The following CACNB2 variants were observed in gnomAD, a reference collection of about 807,000 sequenced individuals.
The protein encoded by CACNB2 is voltage-dependent L-type calcium channel subunit beta-2.
Under a neutral mutation model 73.3 loss-of-function variants are expected in CACNB2, and 42 were observed. The ratio of observed to expected loss-of-function variants is 0.57; its 90% CI spans 0.45 to 0.74. CACNB2 has a LOEUF of 0.74. Ranked by LOEUF, CACNB2 falls within the 30% of genes least tolerant of loss-of-function variation. CACNB2 has a pLI of 0.00. For missense variants in CACNB2, 940 were observed against 853.0 expected (o/e 1.10, Z -1.27); for synonymous variants, 348 against 310.3 (o/e 1.12, Z -1.28).
chr10:18,207,964 T>G (rs2035163064), intron 2 of CACNB2, among the ~76,000 whole-genome samples: 1 of 152,234 alleles, frequency 6.6e-6, no homozygotes, highest in Non-Finnish European at 1.5e-5. Flanking sequence ...TAGTAGAAGT[T>G]GACATATGTA....
chr10:18,309,613 A>G (rs545294346), intron 2 of CACNB2, among the ~76,000 whole-genome samples: 1 of 152,194 alleles, frequency 6.6e-6, no homozygotes, highest in South Asian at 2.1e-4. Flanking sequence ...CCGCGCCACC[A>G]TGCCCAGCTA....
intron 2 of CACNB2, among the ~76,000 whole-genome samples, chr10:18,243,223 G>A (rs934760868): frequency 4.6e-5 from 7 of 151,920 alleles, no homozygotes; most frequent in African/African-American, 1.5e-4. Context: ...AATTTTAACA[G>A]CATTCTAGAT....
At chr10:18,306,527 G>C (rs2131859058) in intron 2 of CACNB2, among the ~76,000 whole-genome samples, 1 of 152,300 alleles carries the variant, frequency 6.6e-6, no homozygotes, top group East Asian at 1.9e-4. Context: ...GGCAATGTGA[G>C]AGAGGCAGAA....
chr10:18,247,149 T>C (rs1285283258), intron 2 of CACNB2, among the ~76,000 whole-genome samples: 1 of 152,128 alleles, frequency 6.6e-6, no homozygotes, highest in East Asian at 1.9e-4. Context: ...TCCTGGGAAT[T>C]CCCTGGCCCT....
intron 3 of CACNB2, among the ~76,000 whole-genome samples, chr10:18,468,324 A>C (rs2048008209): frequency 6.6e-6 from 1 of 152,078 alleles, no homozygotes; most frequent in Admixed American, 6.6e-5. Context: ...AGCTAGGCAT[A>C]GTGGCATGCA....
At chr10:18,291,336 A>T (rs1391441970) in intron 2 of CACNB2, among the ~76,000 whole-genome samples, 2 of 152,200 alleles carry the variant, frequency 1.3e-5, no homozygotes, top group African/African-American at 4.8e-5. Flanking sequence ...TTCTTATTAA[A>T]GCTTGGAGAG....
chr10:18,391,680 A>C (rs999205604), intron 2 of CACNB2, among the ~76,000 whole-genome samples: 1 of 152,152 alleles, frequency 6.6e-6, no homozygotes, highest in African/African-American at 2.4e-5. Context: ...TAATCCCAGC[A>C]CTTTGGGAGG....
intron 2 of CACNB2, among the ~76,000 whole-genome samples, chr10:18,324,603 A>G (rs2040511902): frequency 6.6e-6 from 1 of 152,248 alleles, no homozygotes. Flanking sequence ...CTGTAATCCC[A>G]ACACTTTGGG....
intron 3 of CACNB2, among the ~76,000 whole-genome samples, chr10:18,478,901 A>G (rs1220266769): frequency 6.6e-6 from 1 of 151,830 alleles, no homozygotes; most frequent in African/African-American, 2.4e-5. Context: ...TGTGGGAGGG[A>G]TGTGGGGGAC....
intron 3 of CACNB2, among the ~76,000 whole-genome samples, chr10:18,405,387 C>T (rs2044231384): frequency 6.6e-6 from 1 of 152,114 alleles, no homozygotes; most frequent in South Asian, 2.1e-4. Context: ...TTGTGATTGG[C>T]TACTTTTGGA....
intron 2 of CACNB2, among the ~76,000 whole-genome samples, chr10:18,168,973 A>G (rs183516983): frequency 6.6e-6 from 1 of 152,280 alleles, no homozygotes; most frequent in East Asian, 1.9e-4. Flanking sequence ...AGAAATTTTT[A>G]AAACAACTGT....
chr10:18,370,771 C>A (rs1417589185), intron 2 of CACNB2, among the ~76,000 whole-genome samples: 2 of 152,146 alleles, frequency 1.3e-5, no homozygotes, highest in South Asian at 2.1e-4. Flanking sequence ...TTTTAAAGTA[C>A]TCTTTATAAT....
At chr10:18,386,326 G>A (rs1451928188) in intron 2 of CACNB2, among the ~76,000 whole-genome samples, 1 of 150,510 alleles carries the variant, frequency 6.6e-6, no homozygotes, top group Admixed American at 6.6e-5. Context: ...TCAAACTTTT[G>A]TCAGCATATG....
At chr10:18,320,616 T>C (rs2040365866) in intron 2 of CACNB2, among the ~76,000 whole-genome samples, 2 of 152,190 alleles carry the variant, frequency 1.3e-5, no homozygotes, top group Admixed American at 1.3e-4. Flanking sequence ...CTTGGGCCAG[T>C]TACTTAACTT....
Position 18,312,580 on chromosome 10 carries a change from G to A in CACNB2, c.214-89344G>A, listed in dbSNP as rs538469749. Among the ~76,000 whole-genome samples, 191 of 152,284 alleles carry A rather than the reference G, an allele frequency of 1.3e-3. 1 individual carries two copies. Among genetic ancestry groups the A allele is most frequent in the Admixed American group, 2.2e-3 (34 of 15,298 alleles). ...GTCACTGTATCAGTGTCCTTTAAGT[G>A]TGTGTGTTTGAAGGTGTGGGGTGGC... On this transcript the variant is annotated intron_variant, in intron 2 of 13. Transcript: ENST00000324631.
intron 2 of CACNB2, among the ~76,000 whole-genome samples, chr10:18,356,414 T>C (rs2041909993): frequency 6.6e-6 from 1 of 152,114 alleles, no homozygotes; most frequent in Non-Finnish European, 1.5e-5. Context: ...CTTGCTGGAT[T>C]ATTATTATTG....
intron 2 of CACNB2, among the ~76,000 whole-genome samples, chr10:18,259,358 G>C (rs1442798944): frequency 6.6e-6 from 1 of 151,824 alleles, no homozygotes; most frequent in Non-Finnish European, 1.5e-5. Context: ...CTGGAGCCAG[G>C]AGTTTGAGAC....
chr10:18,427,296 C>G (rs970791176), intron 3 of CACNB2, among the ~76,000 whole-genome samples: 1 of 152,088 alleles, frequency 6.6e-6, no homozygotes, highest in African/African-American at 2.4e-5. Flanking sequence ...CTACATGGAA[C>G]TGTTTACTTG....
chr10:18,358,329 C>T (rs1431770648), intron 2 of CACNB2, among the ~76,000 whole-genome samples: 2 of 152,186 alleles, frequency 1.3e-5, no homozygotes, highest in Non-Finnish European at 1.5e-5. Flanking sequence ...CTCAAGTGAT[C>T]CACCCACCTC....
Sources: gnomAD v4.1 joint callset for allele counts (sites outside exome capture counted in the v4.1 genomes callset) on GRCh38, gnomAD v4.1.1 for gene constraint, MANE v1.5 for transcripts, NCBI Gene and HGNC (gene_info 2026-07-23, HGNC 2026-07-21) for gene names.